The following VPS13C variants were observed in gnomAD, a reference collection of about 807,000 sequenced individuals.
VPS13C encodes the protein vacuolar protein sorting 13 homolog C.
VPS13C carries 358 observed loss-of-function variants against 456.8 expected under a neutral mutation model. The observed-to-expected ratio is 0.78, with a 90% CI of 0.72 to 0.86. The LOEUF (loss-of-function observed/expected upper bound fraction) is 0.86. VPS13C is among the 40% of genes least tolerant of loss of function. VPS13C has a pLI of 0.00. For synonymous variants in VPS13C, 1,578 were observed against 1,486.7 expected (o/e 1.06, Z -1.41); for missense variants, 4,818 against 4,385.4 (o/e 1.10, Z -2.79).
At chr15:62,056,625 T>C (rs548120371) in intron 1 of VPS13C, among the ~76,000 whole-genome samples, 3 of 152,240 alleles carry the variant, frequency 2.0e-5, no homozygotes, top group Admixed American at 6.5e-5. Context: ...CCACCTCTTG[T>C]GGAGGGCCTG....
chr15:62,044,685 G>GT (rs1416075957), intron 1 of VPS13C, among the ~76,000 whole-genome samples: 2 of 152,082 alleles, frequency 1.3e-5, no homozygotes, highest in African/African-American at 4.8e-5. Context: ...GAAACATGGT[G>GT]TTAGTCTTTC....
At chr15:62,025,764 A>G (rs990471449) in intron 6 of VPS13C, among the ~76,000 whole-genome samples, 3 of 152,096 alleles carry the variant, frequency 2.0e-5, no homozygotes, top group African/African-American at 7.2e-5. Context: ...AAACTAAAGC[A>G]GTTCTCAAAG....
chr15:61,997,139 A>G (rs1679879210), intron 16 of VPS13C, among the ~76,000 whole-genome samples: 1 of 152,060 alleles, frequency 6.6e-6, no homozygotes. Flanking sequence ...AGTAGGTTTA[A>G]TGTTCAATTC....
At chr15:61,964,923 G>C in intron 30 of VPS13C, 62 bp from the exon 31 acceptor site, 1 of 1,466,850 alleles carries the variant, frequency 6.8e-7, no homozygotes, top group South Asian at 1.4e-5. Flanking sequence ...TAGTCTCCAC[G>C]ACAGACCCAA....
chr15:61,891,238 G>A (rs1299904623), intron 66 of VPS13C, among the ~76,000 whole-genome samples: 1 of 151,904 alleles, frequency 6.6e-6, no homozygotes, highest in Non-Finnish European at 1.5e-5. Context: ...TTTGTTCTGG[G>A]TTTAATGAAA....
intron 1 of VPS13C, among the ~76,000 whole-genome samples, chr15:62,057,268 G>C (rs1178215690): frequency 6.6e-6 from 1 of 152,114 alleles, no homozygotes; most frequent in South Asian, 2.1e-4. Context: ...AGTTGTCAAA[G>C]AAGATTATAT....
intron 15 of VPS13C, among the ~76,000 whole-genome samples, chr15:62,002,662 T>G (rs1419450922): frequency 1.3e-5 from 2 of 150,688 alleles, no homozygotes; most frequent in Non-Finnish European, 1.5e-5. Context: ...GGTCTAACGT[T>G]TAAGTCTTTA....
At chr15:62,005,969 G>T (rs1260251108) in intron 15 of VPS13C, among the ~76,000 whole-genome samples, 1 of 151,808 alleles carries the variant, frequency 6.6e-6, no homozygotes, top group Non-Finnish European at 1.5e-5. Flanking sequence ...CTCCCAAAGT[G>T]CTGGGATTAT....
chr15:61,931,577 TTC>T (rs1030450170), intron 49 of VPS13C, among the ~76,000 whole-genome samples: 9 of 151,452 alleles, frequency 5.9e-5, no homozygotes, highest in African/African-American at 1.9e-4. Context: ...AATAAATTTT[TTC>T]TTTTTTTTTT....
chr15:62,010,584 G>T lies in VPS13C; in HGVS notation c.899C>A (p.Ser300Ter), dbSNP rs759936817. The part of the protein sequence containing the change: ...PNYQYIFQPI[S>*]ASAKLYMNPY... ...ATTCATGTAGAGTTTTGCAGAGGCT[G>T]ATATTGGCTGGAAAACTTACATCAC... The change falls in exon 13 of 85, where the codon TCA (serine) becomes TAA (stop). Residue 300 changes from serine (S) to a stop codon, truncating the protein, a stop_gained. Coordinates refer to ENST00000644861, the MANE Select transcript of VPS13C (RefSeq NM_020821.3). LOFTEE classifies it high-confidence loss of function. The T allele has an allele frequency of 6.2e-7, 1 of 1,610,718 alleles. No individual in the cohort carries two copies. The highest frequency in any genetic ancestry group is 8.5e-7 in the Non-Finnish European group (1 of 1,178,820).
intron 35 of VPS13C, 85 bp downstream of exon 35, chr15:61,961,504 T>G: frequency 7.6e-7 from 1 of 1,322,048 alleles, no homozygotes; most frequent in East Asian, 2.5e-5. Flanking sequence ...TTGAATAAAC[T>G]GTGTTGGGTA....
At chr15:61,946,884 G>A (rs2044624736) in intron 43 of VPS13C, among the ~76,000 whole-genome samples, 1 of 152,004 alleles carries the variant, frequency 6.6e-6, no homozygotes, top group Admixed American at 6.6e-5. Flanking sequence ...ATAATAAACT[G>A]TATTAGGAAA....
In VPS13C at chr15:61,964,691, T is replaced by C. The variant is rs1487937749; in HGVS notation, c.3214+8A>G. On this transcript the variant is annotated splice_region_variant and intron_variant, in intron 31 of 84. Coordinates refer to ENST00000644861, the MANE Select transcript of VPS13C (RefSeq NM_020821.3). Reference sequence around the variant, plus strand: ...TGCTAACAAAAAACAAAAATGTATGTTTCATACCTTTTGGCAGAGTTGAAT... The same window carrying C: ...TGCTAACAAAAAACAAAAATGTATGCTTCATACCTTTTGGCAGAGTTGAAT... 3 of 1,596,664 alleles carry C rather than the reference T, an allele frequency of 1.9e-6. No homozygotes were observed. Among genetic ancestry groups the C allele is most frequent in the Admixed American group, 3.6e-5 (2 of 55,882 alleles).
chr15:62,013,812 A>T, intron 10 of VPS13C, 121 bp downstream of exon 10: 1 of 681,424 alleles, frequency 1.5e-6, no homozygotes, highest in Non-Finnish European at 2.5e-6. Context: ...CAGGGCCAAA[A>T]CTAGACCCTA....
chr15:61,894,794 C>T (rs183814250), intron 66 of VPS13C, among the ~76,000 whole-genome samples: 104 of 152,146 alleles, frequency 6.8e-4, no homozygotes, highest in African/African-American at 1.9e-3. Flanking sequence ...TAATAGGGGA[C>T]CTCAACACCC....
intron 58 of VPS13C, among the ~76,000 whole-genome samples, chr15:61,918,744 G>A (rs4774426): frequency 4.6e-5 from 7 of 151,856 alleles, no homozygotes; most frequent in African/African-American, 1.7e-4. Context: ...GATGTTACAG[G>A]TAGGAAAAAA....
chr15:61,868,797 G>T (rs748721512), intron 80 of VPS13C, 24 bp from the exon 81 acceptor site: 2 of 1,572,332 alleles, frequency 1.3e-6, no homozygotes, highest in Non-Finnish European at 1.7e-6. Context: ...CAGAGTAAGT[G>T]TAAGAAAATA....
intron 30 of VPS13C, among the ~76,000 whole-genome samples, 167 bp from the exon 31 acceptor site, chr15:61,965,028 C>T (rs943423866): frequency 2.0e-5 from 3 of 151,848 alleles, no homozygotes; most frequent in African/African-American, 7.2e-5. Flanking sequence ...AGGGAATATA[C>T]AGAGAAAAAT....
chr15:61,997,211 A>G (rs1330205154), intron 16 of VPS13C, among the ~76,000 whole-genome samples: 1 of 152,116 alleles, frequency 6.6e-6, no homozygotes, highest in Non-Finnish European at 1.5e-5. Flanking sequence ...CTCTTCCTTG[A>G]AATTCTTTCT....
Sources: allele counts gnomAD v4.1 joint callset (sites outside exome capture counted in the v4.1 genomes callset), GRCh38; gene constraint gnomAD v4.1.1; transcripts MANE v1.5; gene names NCBI Gene and HGNC (gene_info 2026-07-23, HGNC 2026-07-21).